SLC26A8: variants seen among roughly 807,000 people sequenced by gnomAD.
SLC26A8 encodes the protein testis anion transporter 1.
Under a neutral mutation model 105.0 loss-of-function variants are expected in SLC26A8, and 70 were observed. The ratio of observed to expected loss-of-function variants is 0.67; its 90% CI spans 0.55 to 0.81. The LOEUF is 0.81. Ranked by LOEUF, SLC26A8 falls within the 40% of genes least tolerant of loss-of-function variation. The pLI is 0.00. For synonymous variants in SLC26A8, 415 were observed against 438.3 expected, an observed-to-expected ratio of 0.95 and a Z score of 0.66; for missense variants, 998 against 1,181.8, an observed-to-expected ratio of 0.84 and a Z score of 2.28.
At chr6:36,006,982 T>C (rs1336013405) in intron 3 of SLC26A8, among the ~76,000 whole-genome samples, 2 of 152,178 alleles carry the variant, frequency 1.3e-5, no homozygotes, top group Non-Finnish European at 2.9e-5. Flanking sequence ...GATGAAAACT[T>C]CCCTAACCTA....
intron 10 of SLC26A8, among the ~76,000 whole-genome samples, chr6:35,974,929 T>G (rs1336194668): frequency 4.6e-5 from 7 of 151,898 alleles, no homozygotes; most frequent in Non-Finnish European, 7.4e-5. Flanking sequence ...TCTTTTTTTT[T>G]GTATTTCTAG....
At chr6:35,990,285 A>G in intron 7 of SLC26A8, 2 of 280,432 alleles carry the variant, frequency 7.1e-6, no homozygotes, top group Non-Finnish European at 1.4e-5. Context: ...ATACATGTCC[A>G]TTTTTGAGGC....
In SLC26A8 at chr6:36,024,503, C is replaced by G. The variant is rs1762210223; in HGVS notation, c.-3+1G>C. ...CCAGGCGTCTCCCAGCAGCGGCTCA[C>G]CTGGCTCCTTGGCGGGGGCGGGAGT... On this transcript the variant is annotated splice_donor_variant, in intron 1 of 19. Coordinates refer to ENST00000490799, the MANE Select transcript of SLC26A8 (RefSeq NM_052961.4). LOFTEE classifies it low-confidence loss of function (5UTR_SPLICE). The G allele has an allele frequency of 2.2e-6, 1 of 445,756 alleles. No individual in the cohort carries two copies. Among genetic ancestry groups the G allele is most frequent in the Admixed American group, 2.4e-5 (1 of 41,588 alleles). The allele number at this position is 445,756 out of a possible 1,614,324, so 27.6% of individuals were successfully genotyped here.
At chr6:36,010,419 AG>A (rs1266705693) in intron 3 of SLC26A8, among the ~76,000 whole-genome samples, 5 of 152,008 alleles carry the variant, frequency 3.3e-5, no homozygotes, top group Middle Eastern at 6.8e-3. Flanking sequence ...AATGGTTGCT[AG>A]GGGTTATAGA....
chr6:35,999,346 C>G (rs1392541909), intron 4 of SLC26A8, among the ~76,000 whole-genome samples: 3 of 152,060 alleles, frequency 2.0e-5, no homozygotes, highest in African/African-American at 4.8e-5. Flanking sequence ...CAGGAAAAGG[C>G]ACATCACTGA....
At chr6:36,010,695 T>C (rs1761832759) in intron 3 of SLC26A8, among the ~76,000 whole-genome samples, 1 of 151,792 alleles carries the variant, frequency 6.6e-6, no homozygotes, top group African/African-American at 2.4e-5. Context: ...TGTGCCACCA[T>C]GCCCAGCTAA....
intron 19 of SLC26A8, 63 bp downstream of exon 19, chr6:35,951,100 C>CACCCCACCCCCCCCAGCCCGCAA: frequency 7.3e-7 from 1 of 1,364,762 alleles, no homozygotes; most frequent in Non-Finnish European, 1.0e-6. Context: ...AACCACCCCT[C>CACCCCACCCCCCCCAGCCCGCAA]ACCCATCCCC....
chr6:36,006,795 T>A (rs369157916), intron 3 of SLC26A8, among the ~76,000 whole-genome samples: 10 of 152,202 alleles, frequency 6.6e-5, no homozygotes, highest in African/African-American at 1.9e-4. Context: ...TAACTTAGTG[T>A]GAATACTCTC....
intron 10 of SLC26A8, among the ~76,000 whole-genome samples, chr6:35,973,720 T>C (rs2127318921): frequency 6.6e-6 from 1 of 152,326 alleles, no homozygotes; most frequent in African/African-American, 2.4e-5. Flanking sequence ...TATTACCTTT[T>C]ACCTTATGCT....
chr6:36,007,836 T>C (rs1761732912), intron 3 of SLC26A8, among the ~76,000 whole-genome samples: 1 of 151,820 alleles, frequency 6.6e-6, no homozygotes, highest in Non-Finnish European at 1.5e-5. Context: ...AAAATGGTGT[T>C]GAGGCTGGGC....
intron 11 of SLC26A8, among the ~76,000 whole-genome samples, chr6:35,968,050 G>A (rs1165771969): frequency 1.3e-5 from 2 of 151,970 alleles, no homozygotes; most frequent in African/African-American, 2.4e-5. Context: ...GTTTTGCCAC[G>A]TTGGCCCGGC....
intron 1 of SLC26A8, among the ~76,000 whole-genome samples, chr6:36,023,146 C>T (rs1290859421): frequency 6.8e-6 from 1 of 146,456 alleles, no homozygotes; most frequent in Non-Finnish European, 1.5e-5. Flanking sequence ...AGCTCTTTCA[C>T]CCTCCATAGT....
At chr6:36,003,940 C>T (rs1171310575) in intron 3 of SLC26A8, among the ~76,000 whole-genome samples, 5 of 152,086 alleles carry the variant, frequency 3.3e-5, no homozygotes, top group East Asian at 1.9e-4. Flanking sequence ...GGGTTACAGG[C>T]GTGAGCCACC....
intron 11 of SLC26A8, among the ~76,000 whole-genome samples, chr6:35,964,251 T>C (rs1772416604): frequency 6.6e-6 from 1 of 152,174 alleles, no homozygotes; most frequent in South Asian, 2.1e-4. Flanking sequence ...TTATACATGG[T>C]TGTTGAAATA....
chr6:36,004,007 T>C (rs1761608019), intron 3 of SLC26A8, among the ~76,000 whole-genome samples: 1 of 151,716 alleles, frequency 6.6e-6, no homozygotes, highest in East Asian at 1.9e-4. Context: ...CCCTACACAA[T>C]ACAGTTTAAT....
intron 5 of SLC26A8, among the ~76,000 whole-genome samples, chr6:35,995,382 A>T (rs1394575678): frequency 2.0e-4 from 31 of 152,250 alleles, no homozygotes; most frequent in Non-Finnish European, 1.5e-5. Flanking sequence ...AATGAATGAA[A>T]GGGAGGGCTC....
chr6:35,985,953 A>AAT (rs56411571), intron 7 of SLC26A8, among the ~76,000 whole-genome samples: 17,246 of 150,664 alleles, frequency 0.11, 1,003 homozygotes, highest in Middle Eastern at 0.14. Context: ...GTTGTTTTAA[A>AAT]ATATATATAT....
chr6:35,990,355 C>T, intron 7 of SLC26A8: 1 of 267,810 alleles, frequency 3.7e-6, no homozygotes, highest in South Asian at 3.9e-5. Context: ...ATGTTCAAAT[C>T]TTCCAATTGT....
intron 10 of SLC26A8, among the ~76,000 whole-genome samples, chr6:35,971,086 A>G (rs1471194177): frequency 6.6e-6 from 1 of 152,168 alleles, no homozygotes; most frequent in Non-Finnish European, 1.5e-5. Flanking sequence ...AGCACAAACT[A>G]GACACCAAAT....
Sources: gnomAD v4.1 joint callset for allele counts (sites outside exome capture counted in the v4.1 genomes callset) on GRCh38, gnomAD v4.1.1 for gene constraint, MANE v1.5 for transcripts, NCBI Gene and HGNC (gene_info 2026-07-23, HGNC 2026-07-21) for gene names.